Variants in CHSY3 observed in about 807,000 individuals in gnomAD.
CHSY3 encodes N-acetylgalactosaminyl-proteoglycan 3-beta-glucuronosyltransferase 3.
In CHSY3, 35 loss-of-function variants were observed where a neutral mutation model predicts 67.2. The observed-to-expected ratio is 0.52, with a 90% CI of 0.40 to 0.69. CHSY3 has a LOEUF of 0.69. Among genes scored for constraint, CHSY3 ranks in the 30% least tolerant of loss-of-function variants. The pLI is 0.00. For missense variants in CHSY3, 1,069 were observed against 1,138.5 expected (o/e 0.94, Z 0.88); for synonymous variants, 474 against 434.7 (o/e 1.09, Z -1.12).
At chr5:130,030,726 C>T (rs1764680614) in intron 2 of CHSY3, among the ~76,000 whole-genome samples, 1 of 151,988 alleles carries the variant, frequency 6.6e-6, no homozygotes, top group Non-Finnish European at 1.5e-5. Context: ...CAGAGCCTTC[C>T]AGGTGGACTC....
intron 2 of CHSY3, among the ~76,000 whole-genome samples, chr5:129,925,844 C>T (rs554228495): frequency 9.9e-5 from 15 of 151,762 alleles, no homozygotes; most frequent in Admixed American, 2.6e-4. Context: ...TATTAAAACA[C>T]GTTTTAGGTA....
At chr5:130,142,576 ATTG>A (rs1293050726) in intron 2 of CHSY3, among the ~76,000 whole-genome samples, 2 of 152,198 alleles carry the variant, frequency 1.3e-5, no homozygotes, top group African/African-American at 4.8e-5. Flanking sequence ...CATTTTTATT[ATTG>A]TTGTAGGAAT....
At chr5:129,931,418 A>G (rs1332370204) in intron 2 of CHSY3, among the ~76,000 whole-genome samples, 2 of 152,198 alleles carry the variant, frequency 1.3e-5, no homozygotes, top group Non-Finnish European at 2.9e-5. Flanking sequence ...ATATTTTACT[A>G]ACCTTTTAAT....
At chr5:130,172,127 A>AT (rs372990132) in intron 2 of CHSY3, among the ~76,000 whole-genome samples, 17 of 150,340 alleles carry the variant, frequency 1.1e-4, no homozygotes, top group Admixed American at 1.3e-4. Flanking sequence ...AAAGGCAACC[A>AT]TTTTTTTTTC....
At chr5:130,127,431 A>G (rs2149712077) in intron 2 of CHSY3, among the ~76,000 whole-genome samples, 1 of 152,100 alleles carries the variant, frequency 6.6e-6, no homozygotes, top group South Asian at 2.1e-4. Flanking sequence ...TAGTAAATGT[A>G]GATTCTGGGT....
At chr5:130,135,878 T>C (rs1768644957) in intron 2 of CHSY3, among the ~76,000 whole-genome samples, 1 of 152,250 alleles carries the variant, frequency 6.6e-6, no homozygotes, top group Non-Finnish European at 1.5e-5. Flanking sequence ...GCGTATATAA[T>C]TGTTTAGAGA....
At chr5:129,979,361 T>C (rs2149620774) in intron 2 of CHSY3, among the ~76,000 whole-genome samples, 1 of 152,284 alleles carries the variant, frequency 6.6e-6, no homozygotes, top group East Asian at 1.9e-4. Context: ...TGTGGCTTTT[T>C]ATTTACTAAA....
At position 130,014,289 on chromosome 5, in the gene CHSY3, T is replaced by C. The variant is rs1020039984; in HGVS notation, c.1086+105929T>C. On this transcript the variant is annotated intron_variant, in intron 2 of 2. Coordinates refer to ENST00000305031, the MANE Select transcript of CHSY3 (RefSeq NM_175856.5). ...TCACTTCCACATTTTCAGGTATCTT[T>C]ACAGCAGCACCCACTCCTGGTACCA... Among the ~76,000 whole-genome samples, 4 of 152,230 alleles carry C rather than the reference T, an allele frequency of 2.6e-5. No homozygotes were observed. The East Asian group carries it at 5.8e-4, about 22-fold the overall frequency.
At chr5:130,136,883 G>A (rs1768682177) in intron 2 of CHSY3, among the ~76,000 whole-genome samples, 1 of 152,094 alleles carries the variant, frequency 6.6e-6, no homozygotes. Flanking sequence ...TCACCAATAA[G>A]TGAGTCTGTT....
intron 2 of CHSY3, among the ~76,000 whole-genome samples, chr5:130,149,565 C>T (rs1769174973): frequency 1.3e-5 from 2 of 152,186 alleles, no homozygotes; most frequent in African/African-American, 4.8e-5. Flanking sequence ...CAAACACCTC[C>T]CACTAGGCCC....
intron 2 of CHSY3, among the ~76,000 whole-genome samples, chr5:129,998,350 C>T (rs1763611375): frequency 6.6e-6 from 1 of 152,138 alleles, no homozygotes; most frequent in Admixed American, 6.6e-5. Context: ...TACTGTTTCA[C>T]TGTAAGGATA....
chr5:130,062,664 A>G (rs1194064225), intron 2 of CHSY3, among the ~76,000 whole-genome samples: 1 of 152,116 alleles, frequency 6.6e-6, no homozygotes, highest in East Asian at 1.9e-4. Context: ...TTCAGAGGAA[A>G]TTCATGTTTC....
chr5:129,962,556 A>T (rs1239498840), intron 2 of CHSY3, among the ~76,000 whole-genome samples: 2 of 151,972 alleles, frequency 1.3e-5, no homozygotes, highest in Admixed American at 1.3e-4. Context: ...GTTGTTTCCC[A>T]TAAAACACAA....
chr5:129,916,141 G>T (rs1008191870), intron 2 of CHSY3, among the ~76,000 whole-genome samples: 1 of 152,152 alleles, frequency 6.6e-6, no homozygotes, highest in African/African-American at 2.4e-5. Context: ...TCTTCAAAGA[G>T]CCCTTCAAGG....
chr5:130,001,700 T>TA, intron 2 of CHSY3: 1 of 736,958 alleles, frequency 1.4e-6, no homozygotes, highest in African/African-American at 1.9e-5. Context: ...AATTATTTCA[T>TA]AAAAATAAGT....
At chr5:130,018,400 A>G (rs1764273450) in intron 2 of CHSY3, among the ~76,000 whole-genome samples, 1 of 152,194 alleles carries the variant, frequency 6.6e-6, no homozygotes, top group Non-Finnish European at 1.5e-5. Context: ...TCACCCCTGC[A>G]TCTCCAGCTA....
intron 2 of CHSY3, among the ~76,000 whole-genome samples, chr5:130,060,098 G>A (rs368937879): frequency 6.6e-5 from 10 of 151,798 alleles, no homozygotes; most frequent in East Asian, 3.9e-4. Context: ...TACCAAAATC[G>A]GGCAAGAACA....
chr5:130,123,850 G>A (rs1358860562), intron 2 of CHSY3, among the ~76,000 whole-genome samples: 2 of 151,996 alleles, frequency 1.3e-5, no homozygotes, highest in Non-Finnish European at 2.9e-5. Context: ...GAGGTCAGGA[G>A]ATCAAGACCA....
At chr5:129,951,343 T>A (rs941677621) in intron 2 of CHSY3, among the ~76,000 whole-genome samples, 8 of 152,106 alleles carry the variant, frequency 5.3e-5, no homozygotes. Context: ...GGTGATTATT[T>A]TTTACATATG....
Sources: allele counts gnomAD v4.1 joint callset (sites outside exome capture counted in the v4.1 genomes callset), GRCh38; gene constraint gnomAD v4.1.1; transcripts MANE v1.5; gene names NCBI Gene and HGNC (gene_info 2026-07-23, HGNC 2026-07-21).